The following DENND2B variants were observed in gnomAD, a reference collection of about 807,000 sequenced individuals.
DENND2B encodes the protein DENN domain containing 2B.
A neutral mutation model predicts 116.0 loss-of-function variants in DENND2B; 32 were observed. The ratio of observed to expected loss-of-function variants is 0.28; its 90% CI spans 0.21 to 0.37. The LOEUF (loss-of-function observed/expected upper bound fraction) is 0.37, where lower values mean the gene tolerates loss of function less well. Ranked by LOEUF, DENND2B falls within the 10% of genes least tolerant of loss-of-function variation. The pLI is 1.00. For synonymous variants in DENND2B, 588 were observed against 583.9 expected (o/e 1.01, Z -0.10); for missense variants, 1,276 against 1,477.7 (o/e 0.86, Z 2.24).
At chr11:8,812,528 C>T (rs1431861276), upstream of DENND2B, among the ~76,000 whole-genome samples, 1 of 151,934 alleles carries the variant, frequency 6.6e-6, no homozygotes. Context: ...AATTACTTGC[C>T]CCAGGTCATG....
intron 1 of DENND2B, chr11:8,771,566 A>AGAGAGAGAGAGAGAGAGAGAGAGCGC (rs146752028): frequency 2.5e-5 from 3 of 120,382 alleles, no homozygotes; most frequent in Non-Finnish European, 5.4e-5. Context: ...AGAGAGAGAG[A>AGAGAGAGAGAGAGAGAGAGAGAGCGC]GCCTTCTTCC....
intron 3 of DENND2B, among the ~76,000 whole-genome samples, chr11:8,728,175 T>A (rs930088205): frequency 4.6e-5 from 7 of 152,108 alleles, no homozygotes; most frequent in African/African-American, 1.4e-4. Flanking sequence ...GCTAATTTTT[T>A]AAATTTTTTG....
At chr11:8,778,873 C>T (rs1028091884) in intron 1 of DENND2B, among the ~76,000 whole-genome samples, 1 of 152,236 alleles carries the variant, frequency 6.6e-6, no homozygotes, top group Non-Finnish European at 1.5e-5. Context: ...CAGTTCCTCC[C>T]CAGACTCAAG....
At chr11:8,711,491 G>T (rs576809863) in intron 9 of DENND2B, among the ~76,000 whole-genome samples, 2 of 152,086 alleles carry the variant, frequency 1.3e-5, no homozygotes, top group African/African-American at 4.8e-5. Context: ...AAACAAAGGG[G>T]ACAAGGTCCC....
chr11:8,839,195 G>C (rs755744858), intron 4 of DENND2B: 6 of 152,250 alleles, frequency 3.9e-5, no homozygotes, highest in Non-Finnish European at 8.8e-5. Flanking sequence ...AGCATCATCA[G>C]TGGAATCAGA....
intron 1 of DENND2B, among the ~76,000 whole-genome samples, chr11:8,791,632 T>C (rs978051625): frequency 2.0e-5 from 3 of 151,814 alleles, no homozygotes; most frequent in African/African-American, 7.3e-5. Context: ...CCGGGTATGG[T>C]GGCATGTGCC....
intron 13 of DENND2B, among the ~76,000 whole-genome samples, chr11:8,706,531 C>A (rs904955243): frequency 2.6e-5 from 4 of 152,044 alleles, no homozygotes; most frequent in African/African-American, 9.7e-5. Context: ...ATTTAGTTGC[C>A]CCCACTCACC....
Position 8,731,172 on chromosome 11 carries a change from G to A in DENND2B, c.118C>T (p.Pro40Ser), listed in dbSNP as rs1240865350. Residue 40 changes from proline to serine, a missense_variant, in exon 3 of 20, where the codon CCA becomes TCA. Pro to Ser is a moderately conservative substitution (Grantham distance 74, BLOSUM62 -1). Transcript: ENST00000313726. ...CTGAGCGGGTAGATGGGACTCCTTG[G>A]TGGGGAGAGAACTGGAGGTGGAGAG... ...SVSPPPVLSP[P>S]RSPIYPLSDS... 6.5e-7 allele frequency: 1 copy of A among 1,537,572 alleles called. No homozygotes were observed.
chr11:8,715,878 G>C (rs1016236412), intron 5 of DENND2B, 60 bp from the exon 6 acceptor site: 93 of 1,491,720 alleles, frequency 6.2e-5, no homozygotes, highest in Admixed American at 5.7e-5. Context: ...GCCAGTGTCT[G>C]TCTGCTGGGA....
At chr11:8,759,915 C>T (rs1299898313) in intron 1 of DENND2B, among the ~76,000 whole-genome samples, 1 of 152,192 alleles carries the variant, frequency 6.6e-6, no homozygotes, top group Non-Finnish European at 1.5e-5. Flanking sequence ...TTAACAAATG[C>T]AACTAAATCA....
intron 1 of DENND2B, chr11:8,809,253 G>C (rs559022132): frequency 6.6e-6 from 1 of 152,218 alleles, no homozygotes; most frequent in Non-Finnish European, 1.5e-5. Flanking sequence ...GCCGGAACTG[G>C]GGACATGGCC....
chr11:8,731,545 C>T (rs572402820), intron 2 of DENND2B, among the ~76,000 whole-genome samples: 1 of 152,254 alleles, frequency 6.6e-6, no homozygotes, highest in African/African-American at 2.4e-5. Context: ...TGGTGTGCTG[C>T]CACATGCTTA....
At position 8,891,952 on chromosome 11, in the gene DENND2B, C is replaced by G. The variant is rs201906118; in HGVS notation, c.-255-10843G>C. Among the ~76,000 whole-genome samples, 3 of 152,324 alleles carry G rather than the reference C, an allele frequency of 2.0e-5. No individual in the cohort carries two copies. The East Asian group carries it at 5.8e-4, about 29-fold the overall frequency. On this transcript the variant is annotated intron_variant, in intron 1 of 22. Coordinates refer to the DENND2B transcript ENST00000534127. Reference sequence around the variant, plus strand: ...ACAGAATATACTTTCTTCTCAGCACCACACCGCACTTATTCGAAAATTGAC... The same window carrying G: ...ACAGAATATACTTTCTTCTCAGCACGACACCGCACTTATTCGAAAATTGAC...
At chr11:8,877,229 G>C (rs533077249) in intron 2 of DENND2B, among the ~76,000 whole-genome samples, 1 of 146,862 alleles carries the variant, frequency 6.8e-6, no homozygotes, top group Non-Finnish European at 1.5e-5. Flanking sequence ...TTAGCCTCCC[G>C]AGTAGCTGGG....
At chr11:8,728,594 C>G (rs866967530) in intron 3 of DENND2B, among the ~76,000 whole-genome samples, 3 of 456 alleles carry the variant, frequency 6.6e-3, no homozygotes, top group Non-Finnish European at 0.1. Flanking sequence ...GATGAACTCT[C>G]CCCCCCACTC....
At position 8,750,654 on chromosome 11, in the gene DENND2B, C is replaced by A; in HGVS notation, c.47G>T (p.Gly16Val). 3.7e-6 allele frequency: 6 copies of A among 1,614,164 alleles called. No homozygotes were observed. Among genetic ancestry groups the A allele is most frequent in the Non-Finnish European group, 5.1e-6 (6 of 1,180,020 alleles). Residue 16 changes from glycine to valine, a missense_variant, in exon 2 of 20, where the codon GGT (glycine) becomes GTT (valine). Around this residue, in one of 2 missense-constraint regions of DENND2B, gnomAD observed 856 missense variants for 846.6 expected, o/e 1.01. Transcript: ENST00000313726. ...NKNSSITHGAGGTKAPRGTLS... is the reference protein window; with the variant it reads ...NKNSSITHGAVGTKAPRGTLS... ...AGTCCCCCGAGGGGCTTTAGTGCCA[C>A]CAGCTCCGTGGGTGATGCTGGAATT...
At chr11:8,701,308 C>T (rs1485592414) in intron 14 of DENND2B, among the ~76,000 whole-genome samples, 1 of 129,530 alleles carries the variant, frequency 7.7e-6, no homozygotes, top group African/African-American at 2.9e-5. Flanking sequence ...GCCCTACATT[C>T]GCATATTAAA....
intron 1 of DENND2B, among the ~76,000 whole-genome samples, chr11:8,902,426 G>T (rs2064182247): frequency 6.6e-6 from 1 of 152,002 alleles, no homozygotes; most frequent in Non-Finnish European, 1.5e-5. Flanking sequence ...TTGGTATTTT[G>T]AGGCTGTGTT....
chr11:8,862,721 G>A (rs1181900454), intron 2 of DENND2B, among the ~76,000 whole-genome samples: 3 of 151,962 alleles, frequency 2.0e-5, no homozygotes, highest in Non-Finnish European at 2.9e-5. Context: ...GCTCCCACAC[G>A]CCTAGCCTGG....
Sources: gnomAD v4.1 joint callset for allele counts (sites outside exome capture counted in the v4.1 genomes callset) on GRCh38, gnomAD v4.1.1 for gene constraint, gnomAD v4.1.1 regional missense constraint, MANE v1.5 for transcripts, NCBI Gene and HGNC (gene_info 2026-07-23, HGNC 2026-07-21) for gene names.